The following FOXP2 variants were observed in gnomAD, a reference collection of about 807,000 sequenced individuals.
The protein encoded by FOXP2 is forkhead box protein P2.
In FOXP2, 12 loss-of-function variants were observed where a neutral mutation model predicts 115.8. The ratio of observed to expected loss-of-function variants is 0.10; its 90% CI spans 0.07 to 0.17. The LOEUF (loss-of-function observed/expected upper bound fraction) is 0.17, where lower values mean the gene tolerates loss of function less well. FOXP2 is among the 10% of genes least tolerant of loss of function. The probability of loss-of-function intolerance (pLI) is 1.00; values close to 1 mark genes in which losing one functional copy is unlikely to be tolerated. For synonymous variants in FOXP2, 328 were observed against 297.7 expected, an observed-to-expected ratio of 1.10 and a Z score of -1.05; for missense variants, 629 against 843.5, an observed-to-expected ratio of 0.75 and a Z score of 3.15.
chr7:114,233,388 A>T (rs1275749275), intron 1 of FOXP2, among the ~76,000 whole-genome samples: 1 of 152,248 alleles, frequency 6.6e-6, no homozygotes, highest in Non-Finnish European at 1.5e-5. Flanking sequence ...TAGCACTTGT[A>T]TATAAAATAT....
chr7:114,152,831 A>C (rs1228431843), intron 1 of FOXP2, among the ~76,000 whole-genome samples: 1 of 152,036 alleles, frequency 6.6e-6, no homozygotes, highest in Non-Finnish European at 1.5e-5. Flanking sequence ...ACTGAATGCC[A>C]TGTGGGGCCC....
intron 3 of FOXP2, among the ~76,000 whole-genome samples, chr7:114,609,353 G>A (rs192774255): frequency 2.0e-5 from 3 of 152,004 alleles, no homozygotes; most frequent in African/African-American, 4.8e-5. Context: ...AATAATGATC[G>A]TTCCATGCTT....
At chr7:114,578,946 A>G (rs1173243923) in intron 3 of FOXP2, among the ~76,000 whole-genome samples, 1 of 152,170 alleles carries the variant, frequency 6.6e-6, no homozygotes, top group African/African-American at 2.4e-5. Context: ...AAAAACATAT[A>G]TAAGGCAATA....
chr7:114,369,669 A>G (rs1286465460), intron 2 of FOXP2, among the ~76,000 whole-genome samples: 3 of 152,216 alleles, frequency 2.0e-5, no homozygotes, highest in Non-Finnish European at 4.4e-5. Flanking sequence ...CAAAAACATC[A>G]GAATATAGAT....
chr7:114,574,735 T>C (rs1006380001), intron 3 of FOXP2, among the ~76,000 whole-genome samples: 1 of 151,886 alleles, frequency 6.6e-6, no homozygotes. Context: ...TGCCAGTTAG[T>C]TCTAACTGCG....
At chr7:114,572,076 A>T (rs553449973) in intron 3 of FOXP2, among the ~76,000 whole-genome samples, 11 of 151,996 alleles carry the variant, frequency 7.2e-5, no homozygotes, top group African/African-American at 2.4e-4. Flanking sequence ...ATCTAATTTC[A>T]TACTTTGGTT....
At chr7:114,375,288 T>C (rs1792113224) in intron 2 of FOXP2, among the ~76,000 whole-genome samples, 1 of 152,194 alleles carries the variant, frequency 6.6e-6, no homozygotes, top group Non-Finnish European at 1.5e-5. Flanking sequence ...CTTCCTCTTC[T>C]TTCCCTCCTT....
intron 2 of FOXP2, among the ~76,000 whole-genome samples, chr7:114,395,145 A>C (rs1056630095): frequency 6.6e-6 from 1 of 152,210 alleles, no homozygotes; most frequent in Non-Finnish European, 1.5e-5. Flanking sequence ...TATTTTCCCA[A>C]CTTCTCTGTA....
At chr7:114,124,016 A>G (rs930866085) in intron 1 of FOXP2, among the ~76,000 whole-genome samples, 1 of 152,086 alleles carries the variant, frequency 6.6e-6, no homozygotes, top group African/African-American at 2.4e-5. Context: ...CTGATATATC[A>G]AAATATTTTT....
chr7:114,589,083 C>T (rs779206101), intron 3 of FOXP2, among the ~76,000 whole-genome samples: 1 of 152,148 alleles, frequency 6.6e-6, no homozygotes, highest in African/African-American at 2.4e-5. Flanking sequence ...AAAAAATAAT[C>T]GTCATCAGAC....
intron 3 of FOXP2, among the ~76,000 whole-genome samples, chr7:114,618,285 G>C (rs1176900400): frequency 2.6e-5 from 4 of 152,144 alleles, no homozygotes; most frequent in African/African-American, 7.2e-5. Context: ...ATAACATAGA[G>C]CCAGTGTTGG....
rs930401626 is a variant in FOXP2, at chr7:114,556,282, G to T, written c.258+21576G>T. Among the ~76,000 whole-genome samples, 6 of 152,250 alleles carry T rather than the reference G, an allele frequency of 3.9e-5. No homozygotes were observed. In the East Asian group the frequency reaches 9.6e-4, roughly 24 times the overall value. On this transcript the variant is annotated intron_variant, in intron 3 of 16. Coordinates refer to ENST00000350908, the MANE Select transcript of FOXP2 (RefSeq NM_014491.4). The stretch of plus-strand genomic sequence containing the variant: ...GCCAACAAGATAAGCTTCTGTATAT[G>T]CTACATGCAGTCTCTATTCCTCATT...
intron 2 of FOXP2, among the ~76,000 whole-genome samples, chr7:114,321,402 G>A (rs1269725104): frequency 3.9e-5 from 6 of 151,958 alleles, no homozygotes; most frequent in African/African-American, 1.5e-4. Context: ...GTTTCACTGT[G>A]TTAGCCAGGA....
chr7:114,578,884 T>C (rs1801702729), intron 3 of FOXP2, among the ~76,000 whole-genome samples: 1 of 152,186 alleles, frequency 6.6e-6, no homozygotes, highest in Non-Finnish European at 1.5e-5. Context: ...ACTGTAGATT[T>C]ATTGCTTATG....
intron 1 of FOXP2, among the ~76,000 whole-genome samples, chr7:114,422,900 A>G (rs1304631494): frequency 6.6e-6 from 1 of 151,756 alleles, no homozygotes; most frequent in Admixed American, 6.6e-5. Context: ...CCTATCATAA[A>G]GTAAGGAGGC....
intron 1 of FOXP2, among the ~76,000 whole-genome samples, chr7:114,090,256 T>C (rs1383232510): frequency 2.0e-5 from 3 of 151,930 alleles, no homozygotes; most frequent in Non-Finnish European, 2.9e-5. Context: ...ATAGACAAAA[T>C]TGTAAGTCAG....
At chr7:114,399,238 GCTGTGATTACAGGCAC>G (rs1461659484) in intron 2 of FOXP2, among the ~76,000 whole-genome samples, 3 of 151,584 alleles carry the variant, frequency 2.0e-5, no homozygotes, top group Admixed American at 2.0e-4. Flanking sequence ...CTCCCGAGTA[GCTGTGATTACAGGCAC>G]CTGCCACCAT....
chr7:114,633,941 C>T (rs116118404), intron 6 of FOXP2, among the ~76,000 whole-genome samples: 2,466 of 152,020 alleles, frequency 0.016, 54 homozygotes, highest in African/African-American at 0.056. Flanking sequence ...CATATAAAAA[C>T]CAAGTAGGAT....
At position 114,102,475 on chromosome 7, in the gene FOXP2, ATGAATGAC is replaced by A. The variant is rs1382057207; in HGVS notation, c.-247+14640_-247+14647del. 3.3e-5 allele frequency among the ~76,000 whole-genome samples: 5 copies of A among 152,156 alleles called. No individual in the cohort carries two copies. In the East Asian group the frequency reaches 9.7e-4, roughly 29 times the overall value. On this transcript the variant is annotated intron_variant, in intron 1 of 19. Transcript: ENST00000635638. ...AAAAGCAGTTATGGACAATACCTAA[ATGAATGAC>A]TGTGCCTGTGTTCCAGAAAGGTTTA... is the stretch of plus-strand genomic sequence containing the variant.
Sources: gnomAD v4.1 joint callset for allele counts (sites outside exome capture counted in the v4.1 genomes callset) on GRCh38, gnomAD v4.1.1 for gene constraint, MANE v1.5 for transcripts, NCBI Gene and HGNC (gene_info 2026-07-23, HGNC 2026-07-21) for gene names.